The following EXO1 variants were observed in gnomAD, a reference collection of about 807,000 sequenced individuals.
EXO1 encodes the protein exonuclease 1.
EXO1 carries 69 observed loss-of-function variants against 84.5 expected under a neutral mutation model. The ratio of observed to expected loss-of-function variants is 0.82; its 90% CI spans 0.67 to 1.00. The LOEUF (loss-of-function observed/expected upper bound fraction) is 1.00, where lower values mean the gene tolerates loss of function less well. Among genes scored for constraint, EXO1 ranks in the 50% least tolerant of loss-of-function variants. The pLI is 0.00. For synonymous variants in EXO1, 373 were observed against 366.1 expected (o/e 1.02, Z -0.21); for missense variants, 1,045 against 1,000.7 (o/e 1.04, Z -0.60).
At chr1:241,867,474 A>G (rs183319734) in intron 11 of EXO1, among the ~76,000 whole-genome samples, 1 of 152,222 alleles carries the variant, frequency 6.6e-6, no homozygotes, top group African/African-American at 2.4e-5. Flanking sequence ...CATAGGAATT[A>G]TGGGAGATAC....
chr1:241,873,500 T>C (rs1662231745), intron 12 of EXO1, among the ~76,000 whole-genome samples: 1 of 152,190 alleles, frequency 6.6e-6, no homozygotes, highest in South Asian at 2.1e-4. Flanking sequence ...CCCCTCTTTT[T>C]TTTCTACTTT....
At chr1:241,889,237 A>G (rs1381183964) in intron 15 of EXO1, among the ~76,000 whole-genome samples, 4 of 152,186 alleles carry the variant, frequency 2.6e-5, no homozygotes, top group Admixed American at 2.0e-4. Flanking sequence ...CCCAGCACCT[A>G]CACTGAATAG....
At chr1:241,854,973 G>A (rs113551259) in intron 6 of EXO1, among the ~76,000 whole-genome samples, 131 of 152,018 alleles carry the variant, frequency 8.6e-4, no homozygotes, top group African/African-American at 2.5e-3. Context: ...CTGGGGGCTC[G>A]CGGTCTTGCT....
chr1:241,876,148 C>T (rs1656814473), intron 12 of EXO1, among the ~76,000 whole-genome samples: 2 of 152,176 alleles, frequency 1.3e-5, no homozygotes, highest in Non-Finnish European at 2.9e-5. Context: ...AGATGTTTCA[C>T]TAGTAACTTG....
intron 15 of EXO1, among the ~76,000 whole-genome samples, chr1:241,888,031 A>G (rs1248613097): frequency 6.6e-6 from 1 of 152,178 alleles, no homozygotes; most frequent in Non-Finnish European, 1.5e-5. Flanking sequence ...CATACACAAT[A>G]GAAGTGTTTT....
intron 15 of EXO1, 169 bp downstream of exon 15, chr1:241,885,676 T>G: frequency 1.6e-6 from 1 of 642,948 alleles, no homozygotes; most frequent in Non-Finnish European, 2.8e-6. Context: ...TAATATCAAT[T>G]TCTATACCTT....
At chr1:241,858,152 G>T (rs536204472) in intron 7 of EXO1, among the ~76,000 whole-genome samples, 1 of 152,282 alleles carries the variant, frequency 6.6e-6, no homozygotes, top group African/African-American at 2.4e-5. Flanking sequence ...TAAGGAAAAA[G>T]ATTACTTAAA....
intron 6 of EXO1, chr1:241,854,656 GGCT>G (rs1558122700): frequency 6.5e-6 from 1 of 152,820 alleles, no homozygotes; most frequent in African/African-American, 2.4e-5. Flanking sequence ...GGAGAAGAGA[GGCT>G]GCATTGTGTG....
At chr1:241,854,498 G>T (rs896245803) in intron 6 of EXO1, 1 of 152,274 alleles carries the variant, frequency 6.6e-6, no homozygotes, top group Non-Finnish European at 1.5e-5. Context: ...CTGTCATCCA[G>T]TTCCTGAGCT....
intron 6 of EXO1, among the ~76,000 whole-genome samples, chr1:241,856,068 G>A (rs911896423): frequency 6.6e-6 from 1 of 152,210 alleles, no homozygotes; most frequent in Non-Finnish European, 1.5e-5. Flanking sequence ...CCGCCAAAGT[G>A]GGAGCCCAGG....
chr1:241,871,707 A>G (rs549731079), intron 11 of EXO1, among the ~76,000 whole-genome samples: 318 of 152,276 alleles, frequency 2.1e-3, no homozygotes, highest in African/African-American at 7.4e-3. Flanking sequence ...AGATTTTTTT[A>G]TATTCAAAAT....
chr1:241,865,693 C>T, intron 10 of EXO1, among the ~76,000 whole-genome samples: 1 of 152,226 alleles, frequency 6.6e-6, no homozygotes, highest in African/African-American at 2.4e-5. Context: ...TCTATAGGAA[C>T]CATAATTGTA....
intron 6 of EXO1, among the ~76,000 whole-genome samples, chr1:241,855,214 G>C (rs1258896207): frequency 6.6e-6 from 1 of 152,182 alleles, no homozygotes; most frequent in Non-Finnish European, 1.5e-5. Context: ...CGAGTGGTCT[G>C]TTTTGACAGG....
chr1:241,875,863 G>A (rs34159579), intron 12 of EXO1, among the ~76,000 whole-genome samples: 7,523 of 152,302 alleles, frequency 0.049, 399 homozygotes, highest in African/African-American at 0.13. Flanking sequence ...GGGTGACAAA[G>A]CGAGACTTCG....
intron 7 of EXO1, 32 bp downstream of exon 7, chr1:241,857,514 T>A (rs779580828): frequency 1.3e-6 from 2 of 1,577,840 alleles, no homozygotes; most frequent in South Asian, 2.2e-5. Context: ...ATATTACTTT[T>A]CTATGTAGAT....
At chr1:241,864,685 C>G (rs1661606572) in intron 10 of EXO1, among the ~76,000 whole-genome samples, 1 of 152,158 alleles carries the variant, frequency 6.6e-6, no homozygotes, top group South Asian at 2.1e-4. Flanking sequence ...CTTCTGCAGA[C>G]AAAGTCTTTT....
At chr1:241,861,034 A>G (rs1661354057) in intron 9 of EXO1, among the ~76,000 whole-genome samples, 2 of 152,236 alleles carry the variant, frequency 1.3e-5, no homozygotes, top group South Asian at 4.1e-4. Context: ...ACTTATCAGG[A>G]AGAGCATTCT....
intron 10 of EXO1, among the ~76,000 whole-genome samples, chr1:241,866,132 AG>A (rs1158067848): frequency 1.3e-5 from 2 of 152,332 alleles, no homozygotes; most frequent in East Asian, 3.9e-4. Context: ...TAGCATTAAA[AG>A]TGATTGCTTT....
chr1:241,858,728 A>T lies in EXO1; in HGVS notation c.756+10A>T. ...TCCAGATATAGTAAAGGTAAGAGTG[A>T]TTTGCTAAGTGTCATATTCAATTTC... is the stretch of plus-strand genomic sequence containing the variant. On this transcript the variant is annotated intron_variant, in intron 8 of 15. Transcript: ENST00000366548. 6.5e-7 allele frequency: 1 copy of T among 1,548,038 alleles called. No individual in the cohort carries two copies. The highest frequency in any genetic ancestry group is 8.9e-7 in the Non-Finnish European group (1 of 1,119,620).
Sources: gnomAD v4.1 joint callset for allele counts (sites outside exome capture counted in the v4.1 genomes callset) on GRCh38, gnomAD v4.1.1 for gene constraint, MANE v1.5 for transcripts, NCBI Gene and HGNC (gene_info 2026-07-23, HGNC 2026-07-21) for gene names.